The following ASTN2 variants were observed in gnomAD, a reference collection of about 807,000 sequenced individuals.
The protein encoded by ASTN2 is astrotactin-2.
Under a neutral mutation model 139.8 loss-of-function variants are expected in ASTN2, and 54 were observed. The observed-to-expected ratio is 0.39, with a 90% CI of 0.31 to 0.48. The LOEUF is 0.48. Among genes scored for constraint, ASTN2 ranks in the 20% least tolerant of loss-of-function variants. The probability of loss-of-function intolerance (pLI) is 0.95; values close to 1 mark genes in which losing one functional copy is unlikely to be tolerated. For synonymous variants in ASTN2, 756 were observed against 719.5 expected (o/e 1.05, Z -0.81); for missense variants, 1,565 against 1,725.1 (o/e 0.91, Z 1.64).
At chr9:116,835,743 A>G (rs1831968668) in intron 11 of ASTN2, among the ~76,000 whole-genome samples, 1 of 152,174 alleles carries the variant, frequency 6.6e-6, no homozygotes, top group Admixed American at 6.5e-5. Flanking sequence ...GGCTCAGAAT[A>G]AATCTTTTCA....
chr9:116,999,316 C>T (rs1197897442), intron 7 of ASTN2, among the ~76,000 whole-genome samples: 9 of 152,012 alleles, frequency 5.9e-5, no homozygotes, highest in Non-Finnish European at 1.3e-4. Flanking sequence ...TGTGCTTAGC[C>T]TTGGTGGGTC....
chr9:117,076,312 C>T (rs899989995), intron 5 of ASTN2, among the ~76,000 whole-genome samples: 1 of 151,576 alleles, frequency 6.6e-6, no homozygotes, highest in African/African-American at 2.4e-5. Flanking sequence ...GAGGGGACTG[C>T]GTGATTAGAA....
At chr9:117,379,792 T>C (rs770472135) in intron 1 of ASTN2, among the ~76,000 whole-genome samples, 6 of 152,216 alleles carry the variant, frequency 3.9e-5, no homozygotes, top group Non-Finnish European at 8.8e-5. Flanking sequence ...CTCATCTATA[T>C]ATTTTATCAG....
At chr9:116,461,512 G>A (rs1311603178) in intron 20 of ASTN2, among the ~76,000 whole-genome samples, 2 of 151,952 alleles carry the variant, frequency 1.3e-5, no homozygotes, top group East Asian at 1.9e-4. Context: ...CTAGATTGTG[G>A]TCTCTCCTAC....
intron 19 of ASTN2, chr9:116,613,344 G>T (rs548299623): frequency 6.6e-6 from 1 of 152,248 alleles, no homozygotes; most frequent in Non-Finnish European, 1.5e-5. Flanking sequence ...CAAATCAATA[G>T]AAAAAGAGGG....
In ASTN2 at chr9:116,964,261, G is replaced by A. The variant is rs904601232; in HGVS notation, c.1889+10947C>T. Among the ~76,000 whole-genome samples the A allele has an allele frequency of 4.9e-4, 73 of 149,746 alleles. 1 individual carries two copies. The highest frequency in any genetic ancestry group is 7.2e-4 in the Non-Finnish European group (48 of 67,054). On this transcript the variant is annotated intron_variant, in intron 10 of 22. Coordinates refer to ENST00000313400, the MANE Select transcript of ASTN2 (RefSeq NM_001365068.1). The stretch of plus-strand genomic sequence containing the variant: ...TGTGTGTGTGTGTGTGTGTGTGCGC[G>A]CGCGCGCGTGTGTGTTGACTACTGG...
At chr9:117,273,032 C>T (rs1401639370) in intron 2 of ASTN2, among the ~76,000 whole-genome samples, 5 of 152,130 alleles carry the variant, frequency 3.3e-5, no homozygotes, top group East Asian at 1.9e-4. Context: ...TTTTTCACAT[C>T]GCTGATAAAG....
chr9:116,980,981 G>A (rs1021511792), intron 7 of ASTN2, among the ~76,000 whole-genome samples: 7 of 152,014 alleles, frequency 4.6e-5, no homozygotes, highest in Non-Finnish European at 8.8e-5. Context: ...ATAGGGATAG[G>A]GAACTCCCTA....
In ASTN2 at chr9:116,698,194, A is replaced by C. The variant is rs1391229018; in HGVS notation, c.2806+27577T>G. 9 of 1,614,124 alleles carry C rather than the reference A, an allele frequency of 5.6e-6. No homozygotes were observed. Among genetic ancestry groups the C allele is most frequent in the Non-Finnish European group, 7.6e-6 (9 of 1,180,038 alleles). On this transcript the variant is annotated intron_variant, in intron 16 of 22. Transcript: ENST00000313400. This position sits in a 1 kb window ranked among gnomAD's most constrained non-coding sequence, Gnocchi z 4.4. ...GAGGAGCGGCGTCGGGACTTTGGAGAGAAGTTAACTCGTCTGCGGGAACTT... is the reference window on the plus strand; with the variant it reads ...GAGGAGCGGCGTCGGGACTTTGGAGCGAAGTTAACTCGTCTGCGGGAACTT...
intron 19 of ASTN2, among the ~76,000 whole-genome samples, chr9:116,506,948 G>T (rs1240783943): frequency 6.6e-6 from 1 of 152,102 alleles, no homozygotes; most frequent in South Asian, 2.1e-4. Flanking sequence ...TCTATTTAAA[G>T]AATTCTGAGG....
intron 1 of ASTN2, among the ~76,000 whole-genome samples, chr9:117,387,950 G>A (rs1285064578): frequency 2.0e-5 from 3 of 152,158 alleles, no homozygotes; most frequent in Non-Finnish European, 4.4e-5. Flanking sequence ...GGAGATCATA[G>A]AGCCTAGTGG....
chr9:117,289,732 G>A (rs1254788581), intron 2 of ASTN2, among the ~76,000 whole-genome samples: 1 of 152,148 alleles, frequency 6.6e-6, no homozygotes, highest in Non-Finnish European at 1.5e-5. Flanking sequence ...TTATAAATTT[G>A]CACCCCAAAC....
chr9:116,585,099 G>T (rs1854094481), intron 19 of ASTN2: 1 of 152,106 alleles, frequency 6.6e-6, no homozygotes, highest in African/African-American at 2.4e-5. Flanking sequence ...GCACTGTGCT[G>T]GGCATAAGAC....
At chr9:116,427,426 T>C (rs772121866) in intron 22 of ASTN2, among the ~76,000 whole-genome samples, 11 of 152,220 alleles carry the variant, frequency 7.2e-5, no homozygotes, top group Admixed American at 3.9e-4. Flanking sequence ...ATAGAATATC[T>C]TTATCCCAGG....
intron 7 of ASTN2, among the ~76,000 whole-genome samples, chr9:116,996,025 G>A (rs980469103): frequency 2.6e-5 from 4 of 151,796 alleles, no homozygotes; most frequent in Non-Finnish European, 5.9e-5. Flanking sequence ...GATTTTTTTA[G>A]AGACAGCGTC....
intron 10 of ASTN2, among the ~76,000 whole-genome samples, chr9:116,925,782 G>A (rs10817960): frequency 0.12 from 17,801 of 151,818 alleles, 1,327 homozygotes; most frequent in Non-Finnish European, 0.17. Context: ...GCTTCCTGAT[G>A]TTCAGCTTAG....
chr9:116,724,753 T>C (rs1588241356), intron 16 of ASTN2, among the ~76,000 whole-genome samples: 1 of 152,334 alleles, frequency 6.6e-6, no homozygotes, highest in East Asian at 1.9e-4. Context: ...TGCAAGCATG[T>C]TTTTAACATT....
intron 19 of ASTN2, among the ~76,000 whole-genome samples, chr9:116,500,664 T>G (rs1849823866): frequency 6.6e-6 from 1 of 152,222 alleles, no homozygotes. Context: ...TGCTAAATGA[T>G]TCTAAGCAAG....
In ASTN2 at chr9:116,577,601, T is replaced by C. The variant is rs16933692; in HGVS notation, c.3355+40723A>G. 3.3e-3 allele frequency among the ~76,000 whole-genome samples: 499 copies of C among 151,974 alleles called. 3 individuals are homozygous for C. Among genetic ancestry groups the C allele is most frequent in the African/African-American group, 0.011 (453 of 41,472 alleles). ...TCCAGTGTGATGAGCACTGGGTCTA[T>C]GAAAACAGTGTCTGAGTTGAGTTGA... On this transcript the variant is annotated intron_variant, in intron 19 of 22. Coordinates refer to ENST00000313400, the MANE Select transcript of ASTN2 (RefSeq NM_001365068.1).
Sources: gnomAD v4.1 joint callset for allele counts (sites outside exome capture counted in the v4.1 genomes callset) on GRCh38, gnomAD v4.1.1 for gene constraint, Gnocchi (gnomAD v3.1) non-coding constraint, MANE v1.5 for transcripts, NCBI Gene and HGNC (gene_info 2026-07-23, HGNC 2026-07-21) for gene names.